Variants in GNB4 observed in about 807,000 individuals in gnomAD.
GNB4 encodes the protein guanine nucleotide-binding protein subunit beta-4.
In GNB4, 28 loss-of-function variants were observed where a neutral mutation model predicts 45.2. That is an observed-to-expected ratio of 0.62 (90% CI 0.46 to 0.85). The LOEUF (loss-of-function observed/expected upper bound fraction) is 0.85, where lower values mean the gene tolerates loss of function less well. Among genes scored for constraint, GNB4 ranks in the 40% least tolerant of loss-of-function variants. The probability of loss-of-function intolerance (pLI) is 0.00; values close to 1 mark genes in which losing one functional copy is unlikely to be tolerated. For synonymous variants in GNB4, 132 were observed against 143.7 expected, an observed-to-expected ratio of 0.92 and a Z score of 0.58; for missense variants, 321 against 425.4, an observed-to-expected ratio of 0.75 and a Z score of 2.16.
chr3:179,458,320 G>A, the GNB4 span, among the ~76,000 whole-genome samples: 15 of 152,300 alleles, frequency 9.8e-5, 1 homozygote, highest in South Asian at 2.7e-3. Context: ...CAGGGACCAG[G>A]AGTGAGAGAA....
chr3:179,475,675 T>C, the GNB4 span, among the ~76,000 whole-genome samples: 8 of 151,670 alleles, frequency 5.3e-5, no homozygotes, highest in African/African-American at 1.9e-4. Flanking sequence ...GGTTTCACCA[T>C]GTTGGCCAGG....
At chr3:179,416,597 A>G in intron 4 of GNB4, 41 bp from the exon 5 acceptor site, 4 of 1,255,602 alleles carry the variant, frequency 3.2e-6, no homozygotes, top group Non-Finnish European at 4.5e-6. Context: ...ACTTAGAGGG[A>G]AAAAATAGCT....
In GNB4 at chr3:179,406,226, G is replaced by T. The variant is rs112531339; in HGVS notation, c.700-820C>A. ...TCTTACTGTTACATTTAGCCTTCCT[G>T]GGTCATTTTGTTTTAGGTGTGTTTC... On this transcript the variant is annotated intron_variant, in intron 8 of 9. Transcript: ENST00000232564. Among the ~76,000 whole-genome samples, 17 of 152,110 alleles carry T rather than the reference G, an allele frequency of 1.1e-4. 1 individual carries two copies. The highest frequency in any genetic ancestry group is 4.1e-4 in the African/African-American group (17 of 41,498).
At chr3:179,424,025 G>A (rs1009811816) in intron 2 of GNB4, among the ~76,000 whole-genome samples, 1 of 151,958 alleles carries the variant, frequency 6.6e-6, no homozygotes, top group Non-Finnish European at 1.5e-5. Flanking sequence ...CAGGGAACCA[G>A]ACTAGTATGG....
At chr3:179,513,508 A>AT in the GNB4 span, among the ~76,000 whole-genome samples, 1 of 151,870 alleles carries the variant, frequency 6.6e-6, no homozygotes. Context: ...TTAAGTTTTC[A>AT]TTTTTATCAG....
upstream of GNB4, among the ~76,000 whole-genome samples, chr3:179,451,877 G>T (rs921614825): frequency 6.6e-6 from 1 of 152,148 alleles, no homozygotes; most frequent in African/African-American, 2.4e-5. Flanking sequence ...CCCCATTTAG[G>T]TTTCCCATTC....
intron 5 of GNB4, among the ~76,000 whole-genome samples, chr3:179,415,957 CCTGAAG>C (rs1231682526): frequency 6.7e-6 from 1 of 150,158 alleles, no homozygotes; most frequent in African/African-American, 2.4e-5. Flanking sequence ...TCAAAGTATT[CCTGAAG>C]CTTTTTCACC....
chr3:179,514,146 C>T, the GNB4 span, among the ~76,000 whole-genome samples: 29 of 152,150 alleles, frequency 1.9e-4, no homozygotes, highest in Non-Finnish European at 4.1e-4. Context: ...GAAAGGAGCA[C>T]ACTGTGCCAT....
At chr3:179,405,664 G>T in intron 8 of GNB4, 1 of 373,238 alleles carries the variant, frequency 2.7e-6, no homozygotes, top group Non-Finnish European at 4.8e-6. Context: ...TACTGGCTCT[G>T]GTTCTCCATA....
chr3:179,507,108 T>C, the GNB4 span, among the ~76,000 whole-genome samples: 1 of 152,194 alleles, frequency 6.6e-6, no homozygotes, highest in Non-Finnish European at 1.5e-5. Context: ...ATCTGCCAAG[T>C]CTTATTAGTT....
chr3:179,465,851 T>A, the GNB4 span, among the ~76,000 whole-genome samples: 1 of 147,808 alleles, frequency 6.8e-6, no homozygotes, highest in East Asian at 2.0e-4. Context: ...GAGATGGGGG[T>A]CTTGCTATGT....
the GNB4 span, among the ~76,000 whole-genome samples, chr3:179,475,633 C>T: frequency 2.6e-4 from 40 of 151,408 alleles, no homozygotes; most frequent in Middle Eastern, 3.4e-3. Context: ...CCACCACACC[C>T]GGCTAATTTT....
chr3:179,446,030 T>C (rs998963391), intron 1 of GNB4, among the ~76,000 whole-genome samples: 1 of 152,210 alleles, frequency 6.6e-6, no homozygotes, highest in Admixed American at 6.5e-5. Context: ...GTGATTTCTA[T>C]TTCAAAAAAG....
chr3:179,479,841 T>C, the GNB4 span, among the ~76,000 whole-genome samples: 1 of 152,234 alleles, frequency 6.6e-6, no homozygotes, highest in Admixed American at 6.5e-5. Context: ...TATTGCACAT[T>C]CTCAGGTCAT....
intron 1 of GNB4, among the ~76,000 whole-genome samples, chr3:179,434,190 A>G (rs1715383792): frequency 6.6e-6 from 1 of 152,244 alleles, no homozygotes; most frequent in South Asian, 2.1e-4. Context: ...ACTACTTATA[A>G]TAACAATAAA....
In GNB4 at chr3:179,436,119, G is replaced by A. The variant is rs1462703450; in HGVS notation, c.-42-9877C>T. Among the ~76,000 whole-genome samples the A allele has an allele frequency of 3.9e-5, 6 of 152,266 alleles. 1 individual carries two copies. In the South Asian group the frequency reaches 6.2e-4, roughly 16 times the overall value. ...CACTTTAAAAATGTAAGGATAGGCC[G>A]GATCTGCAGTGGCTCACACCAGTAA... On this transcript the variant is annotated intron_variant, in intron 1 of 9. Transcript: ENST00000232564.
the GNB4 span, among the ~76,000 whole-genome samples, chr3:179,507,312 C>T: frequency 6.6e-6 from 1 of 151,942 alleles, no homozygotes; most frequent in Non-Finnish European, 1.5e-5. Flanking sequence ...ATGATATTAT[C>T]ACACAGTTTT....
chr3:179,437,973 G>C (rs557177524), intron 1 of GNB4: 1 of 152,196 alleles, frequency 6.6e-6, no homozygotes, highest in Non-Finnish European at 1.5e-5. Context: ...TTGGGAGGTC[G>C]AGGCAGGAAG....
chr3:179,408,024 T>A (rs879839968), intron 8 of GNB4, among the ~76,000 whole-genome samples: 38 of 152,162 alleles, frequency 2.5e-4, no homozygotes, highest in African/African-American at 8.4e-4. Context: ...TCAAATAGTT[T>A]CCAAGTAACT....
Sources: allele counts gnomAD v4.1 joint callset (sites outside exome capture counted in the v4.1 genomes callset), GRCh38; gene constraint gnomAD v4.1.1; transcripts MANE v1.5; gene names NCBI Gene and HGNC (gene_info 2026-07-23, HGNC 2026-07-21).